MPC1: variants seen among roughly 807,000 people sequenced by gnomAD.
MPC1 encodes HSPC040 protein.
Under a neutral mutation model 13.9 loss-of-function variants are expected in MPC1, and 6 were observed. The observed-to-expected ratio is 0.43, with a 90% CI of 0.24 to 0.85. The LOEUF is 0.85. MPC1 is among the 40% of genes least tolerant of loss of function. The probability of loss-of-function intolerance (pLI) is 0.24; values close to 1 mark genes in which losing one functional copy is unlikely to be tolerated. For synonymous variants in MPC1, 47 were observed against 50.5 expected (o/e 0.93, Z 0.29); for missense variants, 115 against 143.3 (o/e 0.80, Z 1.01).
Position 166,382,930 on chromosome 6 carries a change from G to A in MPC1, c.-54C>T, listed in dbSNP as rs1029537717. 3 of 1,551,550 alleles carry A rather than the reference G, an allele frequency of 1.9e-6. No individual in the cohort carries two copies. The African/African-American group carries it at 4.3e-5, about 22-fold the overall frequency. On this transcript the variant is annotated 5_prime_UTR_variant, in exon 1 of 5. Coordinates refer to ENST00000360961, the MANE Select transcript of MPC1 (RefSeq NM_016098.4). ...TCCCTGCCTCTGCTGCCGCTTCCCA[G>A]AGCCAATGACACCCCGGCCAACCCC...
At position 166,382,693 on chromosome 6, in the gene MPC1, C is replaced by T. The variant is rs1415751728; in HGVS notation, c.71+113G>A. 2.0e-5 allele frequency: 23 copies of T among 1,154,334 alleles called. No homozygotes were observed. In the South Asian group the frequency reaches 3.3e-4, roughly 17 times the overall value. 71.5% of individuals were successfully genotyped at this position (1,154,334 alleles called of 1,614,324 possible). A position where few individuals can be genotyped will look rare whatever the true frequency, so the allele number is the denominator to read the frequency against. ...ACCCTCTCGCCTGGGCCCCGGCCCACCCGCTGCCCGGGGCCACCGCGTCCT... is the reference window on the plus strand; with the variant it reads ...ACCCTCTCGCCTGGGCCCCGGCCCATCCGCTGCCCGGGGCCACCGCGTCCT... On this transcript the variant is annotated intron_variant, in intron 1 of 4. Transcript: ENST00000360961.
intron 2 of MPC1, among the ~76,000 whole-genome samples, chr6:166,368,389 C>G (rs1483921088): frequency 6.6e-6 from 1 of 151,964 alleles, no homozygotes; most frequent in African/African-American, 2.4e-5. Flanking sequence ...AACCCTGTCT[C>G]TACTAAAAAT....
chr6:166,372,397 TAAATGTATGAGAATAAGGGAGAATTAC>T lies in MPC1; in HGVS notation c.72-2203_72-2177del, dbSNP rs1223706299. 7.2e-5 allele frequency among the ~76,000 whole-genome samples: 11 copies of T among 152,112 alleles called. No individual in the cohort carries two copies. The East Asian group carries it at 2.1e-3, about 29-fold the overall frequency. ...AAATGTATGAGAATAAGGGAGATTATAAATGTATGAGAATAAGGGAGAATTACAAATGTATGAGAATAAGGATTAGTA... is the reference window on the plus strand; with the variant it reads ...AAATGTATGAGAATAAGGGAGATTATAAATGTATGAGAATAAGGATTAGTA... On this transcript the variant is annotated intron_variant, in intron 1 of 4. Coordinates refer to ENST00000360961, the MANE Select transcript of MPC1 (RefSeq NM_016098.4).
intron 1 of MPC1, among the ~76,000 whole-genome samples, chr6:166,380,194 G>T (rs1350240427): frequency 6.6e-6 from 1 of 152,156 alleles, no homozygotes; most frequent in Non-Finnish European, 1.5e-5. Context: ...AAAACAGAAG[G>T]ATATAATAAA....
chr6:166,366,515 A>G (rs1369739288), intron 3 of MPC1, among the ~76,000 whole-genome samples: 2 of 152,234 alleles, frequency 1.3e-5, no homozygotes, highest in Admixed American at 1.3e-4. Context: ...AGTTCACAAT[A>G]TAAATCATTA....
intron 3 of MPC1, among the ~76,000 whole-genome samples, chr6:166,366,438 C>T (rs933429871): frequency 4.6e-5 from 7 of 152,124 alleles, no homozygotes; most frequent in African/African-American, 1.4e-4. Context: ...TATTTATTCC[C>T]TCCACAATAG....
chr6:166,376,040 CAT>C (rs1779557469), intron 1 of MPC1, among the ~76,000 whole-genome samples: 1 of 152,062 alleles, frequency 6.6e-6, no homozygotes, highest in African/African-American at 2.4e-5. Context: ...GTTTTTGCCT[CAT>C]GTGTTTTAAT....
At chr6:166,372,085 A>C (rs1779401353) in intron 1 of MPC1, among the ~76,000 whole-genome samples, 1 of 152,228 alleles carries the variant, frequency 6.6e-6, no homozygotes. Flanking sequence ...ACAATGCTTT[A>C]TAGCAGAGAG....
chr6:166,368,162 A>G (rs1384851259), intron 2 of MPC1, among the ~76,000 whole-genome samples: 2 of 152,348 alleles, frequency 1.3e-5, no homozygotes, highest in South Asian at 4.1e-4. Flanking sequence ...GTTATCTAAG[A>G]TACTCACTAC....
Position 166,366,910 on chromosome 6 carries a change from A to G in MPC1, c.76-19T>C. ...AGAAGTGCTACAAAAAATGAGAGGA[A>G]AAGAATGAAGAGAGGAAAAAGTTAA... On this transcript the variant is annotated intron_variant, in intron 2 of 4. Transcript: ENST00000360961. 1 of 1,613,808 alleles carries G rather than the reference A, an allele frequency of 6.2e-7. No homozygotes were observed. The highest frequency in any genetic ancestry group is 1.6e-4 in the Middle Eastern group (1 of 6,062).
chr6:166,377,500 T>C (rs1779612780), intron 1 of MPC1, among the ~76,000 whole-genome samples: 1 of 152,224 alleles, frequency 6.6e-6, no homozygotes, highest in Non-Finnish European at 1.5e-5. Flanking sequence ...TCTCTGAAAG[T>C]ACTGAGAGCA....
At chr6:166,382,669 C>A (rs977396023) in intron 1 of MPC1, 137 bp downstream of exon 1, 21 of 852,164 alleles carry the variant, frequency 2.5e-5, no homozygotes, top group African/African-American at 2.0e-4. Context: ...GACAAGCGCA[C>A]CCTCTCGCCT....
intron 1 of MPC1, among the ~76,000 whole-genome samples, chr6:166,372,800 A>C (rs564923616): frequency 6.6e-5 from 10 of 151,948 alleles, no homozygotes; most frequent in African/African-American, 1.9e-4. Context: ...ATTTGGGGAC[A>C]GTAATGCAAA....
intron 1 of MPC1, among the ~76,000 whole-genome samples, chr6:166,378,545 C>A (rs1448097435): frequency 6.6e-6 from 1 of 152,012 alleles, no homozygotes; most frequent in Non-Finnish European, 1.5e-5. Context: ...AAATATATGT[C>A]CTACCTCAAA....
intron 1 of MPC1, among the ~76,000 whole-genome samples, chr6:166,377,414 G>T (rs1271736948): frequency 6.6e-6 from 1 of 152,122 alleles, no homozygotes. Flanking sequence ...GCTGAACCAG[G>T]AGGAGATTTG....
At position 166,368,932 on chromosome 6, in the gene MPC1, A is replaced by C. The variant is rs573819609; in HGVS notation, c.75+1286T>G. 1.0e-5 allele frequency: 10 copies of C among 985,478 alleles called. No homozygotes were observed. The South Asian group carries it at 3.3e-4, about 32-fold the overall frequency. The allele number at this position is 985,478 out of a possible 1,614,324, so 61.0% of individuals were successfully genotyped here. On this transcript the variant is annotated intron_variant, in intron 2 of 4. Coordinates refer to ENST00000360961, the MANE Select transcript of MPC1 (RefSeq NM_016098.4). ...TGTCTACTTTATCATGCATGAACCC[A>C]GGGCTATAAACAGAGCCTGAAGAGT...
At chr6:166,380,684 A>C (rs1428218839) in intron 1 of MPC1, among the ~76,000 whole-genome samples, 2 of 152,162 alleles carry the variant, frequency 1.3e-5, no homozygotes, top group African/African-American at 4.8e-5. Flanking sequence ...CACACCTGCT[A>C]ACCCCAGCAC....
Position 166,366,900 on chromosome 6 carries a change from A to G in MPC1, c.76-9T>C, listed in dbSNP as rs567129578. On this transcript the variant is annotated splice_polypyrimidine_tract_variant and intron_variant, in intron 2 of 4. Transcript: ENST00000360961. ...ACTGGGCCCCAGAAGTGCTACAAAA[A>G]ATGAGAGGAAAAGAATGAAGAGAGG... The G allele has an allele frequency of 6.2e-7, 1 of 1,613,968 alleles. No homozygotes were observed. Among genetic ancestry groups the G allele is most frequent in the East Asian group, 2.2e-5 (1 of 44,884 alleles).
intron 1 of MPC1, chr6:166,381,766 AG>A (rs1275241965): frequency 3.1e-6 from 3 of 968,596 alleles, no homozygotes; most frequent in Non-Finnish European, 3.7e-6. Flanking sequence ...TAGAACAAGA[AG>A]AAAAAGTATG....
Sources: allele counts gnomAD v4.1 joint callset (sites outside exome capture counted in the v4.1 genomes callset), GRCh38; gene constraint gnomAD v4.1.1; transcripts MANE v1.5; gene names NCBI Gene and HGNC (gene_info 2026-07-23, HGNC 2026-07-21).